Variants in ARL15 observed in about 807,000 individuals in gnomAD.
ARL15 encodes ARF like GTPase 15, also known as ADP-ribosylation factor-like protein 15.
In ARL15, 19 loss-of-function variants were observed where a neutral mutation model predicts 25.2. The ratio of observed to expected loss-of-function variants is 0.75; its 90% CI spans 0.53 to 1.10. The LOEUF (loss-of-function observed/expected upper bound fraction) is 1.10. Ranked by LOEUF, ARL15 falls within the 50% of genes least tolerant of loss-of-function variation. The probability of loss-of-function intolerance (pLI) is 0.00; values close to 1 mark genes in which losing one functional copy is unlikely to be tolerated. For missense variants in ARL15, 220 were observed against 246.0 expected, an observed-to-expected ratio of 0.89 and a Z score of 0.71; for synonymous variants, 94 against 86.8, an observed-to-expected ratio of 1.08 and a Z score of -0.46.
chr5:53,973,711 C>T (rs1290733722), intron 4 of ARL15, among the ~76,000 whole-genome samples: 2 of 151,888 alleles, frequency 1.3e-5, no homozygotes, highest in African/African-American at 4.8e-5. Context: ...TGTACTCCAG[C>T]CTGCATGGTA....
chr5:54,133,925 TA>T (rs1427750051), intron 3 of ARL15, among the ~76,000 whole-genome samples: 1 of 152,058 alleles, frequency 6.6e-6, no homozygotes. Context: ...AGAGAGGGCA[TA>T]AAAAGAGTAA....
intron 4 of ARL15, among the ~76,000 whole-genome samples, chr5:54,083,506 C>T (rs966992563): frequency 2.6e-5 from 4 of 152,152 alleles, no homozygotes; most frequent in Non-Finnish European, 5.9e-5. Context: ...TCTGAATATA[C>T]TTAAATGTGA....
At chr5:54,262,012 A>T (rs1757508466) in intron 1 of ARL15, among the ~76,000 whole-genome samples, 1 of 152,206 alleles carries the variant, frequency 6.6e-6, no homozygotes, top group African/African-American at 2.4e-5. Context: ...AAAATCATTA[A>T]ATCAATGGAA....
At chr5:54,166,230 T>TA (rs1754560739) in intron 2 of ARL15, among the ~76,000 whole-genome samples, 1 of 152,104 alleles carries the variant, frequency 6.6e-6, no homozygotes, top group Admixed American at 6.6e-5. Flanking sequence ...TCTCTCTCTC[T>TA]GTCACCCAGG....
intron 1 of ARL15, among the ~76,000 whole-genome samples, chr5:54,273,456 A>T (rs751251011): frequency 6.6e-6 from 1 of 152,206 alleles, no homozygotes; most frequent in Non-Finnish European, 1.5e-5. Context: ...CTGCAAAATA[A>T]CTGGCCTGGC....
intron 1 of ARL15, among the ~76,000 whole-genome samples, chr5:54,269,980 T>A (rs890379640): frequency 1.3e-5 from 2 of 152,226 alleles, no homozygotes; most frequent in African/African-American, 4.8e-5. Context: ...TGAGATACAG[T>A]TCAGCATCAG....
chr5:54,263,754 A>T (rs772387018), intron 1 of ARL15, among the ~76,000 whole-genome samples: 1 of 152,252 alleles, frequency 6.6e-6, no homozygotes, highest in Middle Eastern at 3.4e-3. Context: ...CCAAGCAGAG[A>T]GCAACCCCAT....
chr5:53,912,975 A>G (rs985993806), intron 4 of ARL15, among the ~76,000 whole-genome samples: 31 of 152,346 alleles, frequency 2.0e-4, no homozygotes, highest in African/African-American at 7.0e-4. Context: ...AAGATGAAGC[A>G]GGAAGATGCA....
At chr5:54,007,024 G>A (rs907667914) in intron 4 of ARL15, among the ~76,000 whole-genome samples, 1 of 152,118 alleles carries the variant, frequency 6.6e-6, no homozygotes, top group East Asian at 1.9e-4. Context: ...CCAGGAGACG[G>A]AGGTTGCAAA....
chr5:54,184,261 CAA>C (rs201681698), intron 1 of ARL15, among the ~76,000 whole-genome samples: 24,036 of 117,002 alleles, frequency 0.21, 2,751 homozygotes, highest in Middle Eastern at 0.29. Context: ...AAAAAAAAAT[CAA>C]AAAAAAAAAA....
intron 1 of ARL15, among the ~76,000 whole-genome samples, chr5:54,302,003 G>A (rs1758627660): frequency 6.6e-6 from 1 of 152,186 alleles, no homozygotes; most frequent in South Asian, 2.1e-4. Context: ...CCAAAGGGCA[G>A]AACACCTACC....
chr5:54,039,343 A>G (rs894911307), intron 4 of ARL15, among the ~76,000 whole-genome samples: 3 of 152,198 alleles, frequency 2.0e-5, no homozygotes, highest in East Asian at 1.9e-4. Context: ...GAGAAAAACA[A>G]AAAGTGTAGA....
chr5:54,273,131 A>G (rs1237091604), intron 1 of ARL15, among the ~76,000 whole-genome samples: 2 of 152,234 alleles, frequency 1.3e-5, no homozygotes, highest in Non-Finnish European at 2.9e-5. Flanking sequence ...ACATAGTCCC[A>G]TATCTACCTC....
intron 3 of ARL15, among the ~76,000 whole-genome samples, chr5:54,127,978 G>A (rs1753314707): frequency 1.3e-5 from 2 of 149,846 alleles, no homozygotes; most frequent in Admixed American, 1.3e-4. Context: ...GTAGCAAGCT[G>A]AAACTGGATC....
chr5:54,071,129 C>T (rs557984912), intron 4 of ARL15, among the ~76,000 whole-genome samples: 2 of 151,282 alleles, frequency 1.3e-5, no homozygotes, highest in South Asian at 2.1e-4. Context: ...ATGTTCGTGC[C>T]GCTGCACTCT....
intron 4 of ARL15, among the ~76,000 whole-genome samples, chr5:53,966,934 T>C (rs771648159): frequency 6.6e-6 from 1 of 152,172 alleles, no homozygotes; most frequent in East Asian, 1.9e-4. Flanking sequence ...GTTGGAAAGA[T>C]CCTATACATC....
chr5:54,004,812 A>T (rs1210816355), intron 4 of ARL15, among the ~76,000 whole-genome samples: 3 of 150,212 alleles, frequency 2.0e-5, no homozygotes, highest in African/African-American at 7.4e-5. Context: ...TGTGTGTAAG[A>T]GGGGTTATAG....
At chr5:54,121,113 G>A (rs976447188) in intron 3 of ARL15, among the ~76,000 whole-genome samples, 6 of 152,062 alleles carry the variant, frequency 3.9e-5, no homozygotes, top group African/African-American at 1.4e-4. Flanking sequence ...GTTCAAAAGT[G>A]GAATAGTAAA....
At chr5:53,958,923 A>G (rs1747263964) in intron 4 of ARL15, among the ~76,000 whole-genome samples, 1 of 152,234 alleles carries the variant, frequency 6.6e-6, no homozygotes, top group Non-Finnish European at 1.5e-5. Context: ...AACATTTACA[A>G]AATTGAAGGA....
Sources: allele counts gnomAD v4.1 joint callset (sites outside exome capture counted in the v4.1 genomes callset), GRCh38; gene constraint gnomAD v4.1.1; transcripts MANE v1.5; gene names NCBI Gene and HGNC (gene_info 2026-07-23, HGNC 2026-07-21).